NAV1: variants seen among roughly 807,000 people sequenced by gnomAD.
The protein encoded by NAV1 is neuron navigator 1.
A neutral mutation model predicts 175.2 loss-of-function variants in NAV1; 18 were observed. The ratio of observed to expected loss-of-function variants is 0.10; its 90% confidence interval spans 0.07 to 0.15. The LOEUF (loss-of-function observed/expected upper bound fraction) is 0.15. Ranked by LOEUF, NAV1 falls within the 10% of genes least tolerant of loss-of-function variation. The pLI is 1.00. For synonymous variants in NAV1, 897 were observed against 978.7 expected, an observed-to-expected ratio of 0.92 and a Z score of 1.56; for missense variants, 1,731 against 2,436.6, an observed-to-expected ratio of 0.71 and a Z score of 6.10.
Position 201,682,827 on chromosome 1 carries a change from T to C in NAV1, c.758-29990T>C, listed in dbSNP as rs957206854. ...GCCTCAGAACCATCGATGTAATTTT[T>C]AATTTCTTACTAAACTTTTAATATT... On this transcript the variant is annotated intron_variant, in intron 1 of 29. Coordinates refer to ENST00000367296, the Ensembl canonical transcript of NAV1. Among the ~76,000 whole-genome samples, 4 of 152,254 alleles carry C rather than the reference T, an allele frequency of 2.6e-5. No homozygotes were observed. The East Asian group carries it at 7.7e-4, about 29-fold the overall frequency.
intron 11 of NAV1, among the ~76,000 whole-genome samples, chr1:201,790,207 G>A (rs751052575): frequency 1.3e-5 from 2 of 152,190 alleles, no homozygotes; most frequent in African/African-American, 2.4e-5. Flanking sequence ...TTGGCTATTA[G>A]GCATTTCTTG....
At chr1:201,664,083 C>G (rs1571871062) in intron 1 of NAV1, among the ~76,000 whole-genome samples, 1 of 152,106 alleles carries the variant, frequency 6.6e-6, no homozygotes, top group East Asian at 1.9e-4. Context: ...AGTATAGTGG[C>G]CAAATGCACA....
intron 3 of NAV1, among the ~76,000 whole-genome samples, chr1:201,768,741 G>A (rs1675374623): frequency 6.6e-6 from 1 of 151,530 alleles, no homozygotes; most frequent in Non-Finnish European, 1.5e-5. Context: ...TATATTTGAT[G>A]TTGAATCATA....
chr1:201,803,472 A>G, intron 15 of NAV1, 121 bp from the exon 20 acceptor site: 1 of 989,624 alleles, frequency 1.0e-6, no homozygotes, highest in Non-Finnish European at 1.5e-6. Flanking sequence ...AAAAAAATGA[A>G]TAATGTGATT....
chr1:201,807,976 G>T lies in NAV1; in HGVS notation c.3672G>T (p.Ala1224=), dbSNP rs771921539. 2 of 1,613,826 alleles carry T rather than the reference G, an allele frequency of 1.2e-6. No homozygotes were observed. Among genetic ancestry groups the T allele is most frequent in the Admixed American group, 3.3e-5 (2 of 60,010 alleles). The stretch of plus-strand genomic sequence containing the variant: ...AGCTTCGAAGTTCCTTCAACAAAGC[G>T]TTCAGTATAAAAAAGGGGCCCAAGT... The change falls in exon 18 of 30, where the codon GCG becomes GCT. Residue 1224 remains alanine, a synonymous_variant. Coordinates refer to ENST00000367296, the Ensembl canonical transcript of NAV1. The surrounding 1 kb of genome is among the most constrained non-coding windows in gnomAD (Gnocchi z 5.4).
intron 6 of NAV1, among the ~76,000 whole-genome samples, chr1:201,783,189 A>G (rs1267058039): frequency 1.3e-5 from 2 of 152,156 alleles, no homozygotes; most frequent in African/African-American, 4.8e-5. Flanking sequence ...ATTCACTTGT[A>G]TCTCCCATGT....
chr1:201,754,771 T>C (rs1434226818), intron 3 of NAV1, among the ~76,000 whole-genome samples: 1 of 152,254 alleles, frequency 6.6e-6, no homozygotes, highest in African/African-American at 2.4e-5. Context: ...TTTATGTTAT[T>C]TGTACCACAG....
In NAV1 at chr1:201,661,191, C is replaced by T. The variant is rs1471658553; in HGVS notation, c.757+11766C>T. 7.2e-5 allele frequency among the ~76,000 whole-genome samples: 11 copies of T among 152,186 alleles called. 1 individual carries two copies. The highest frequency in any genetic ancestry group is 1.5e-4 in the Non-Finnish European group (10 of 68,024). On this transcript the variant is annotated intron_variant, in intron 1 of 29. Transcript: ENST00000367296. The stretch of plus-strand genomic sequence containing the variant: ...AAGTAGCAACTCACTGCTCTCCCTG[C>T]CCTCTTGATGTTCTAGAACCCTTGC...
intron 1 of NAV1, among the ~76,000 whole-genome samples, chr1:201,678,892 G>T (rs563760461): frequency 6.6e-6 from 1 of 152,166 alleles, no homozygotes; most frequent in Non-Finnish European, 1.5e-5. Flanking sequence ...GGCATCCAGT[G>T]GGGTGGAGAG....
At chr1:201,756,818 T>G (rs1399639784) in intron 3 of NAV1, among the ~76,000 whole-genome samples, 1 of 9,878 alleles carries the variant, frequency 1.0e-4, no homozygotes, top group African/African-American at 2.9e-4. Context: ...CCTTCTTTCT[T>G]TCTTTCTTTC....
At chr1:201,625,098 C>G (rs1390537747) in intron 1 of NAV1, among the ~76,000 whole-genome samples, 1 of 152,180 alleles carries the variant, frequency 6.6e-6, no homozygotes, top group East Asian at 1.9e-4. Flanking sequence ...GTTGTGAACA[C>G]CACGTTTTAA....
rs145643487 is a variant in NAV1, at chr1:201,810,062, T to G, written c.4518T>G (p.Pro1506=). 3,415 of 1,613,966 alleles carry G rather than the reference T, an allele frequency of 2.1e-3. 4 individuals carry two copies. The highest frequency in any genetic ancestry group is 3.0e-3 in the Admixed American group (179 of 59,998). ...TGGATGCAGAGCCCCCCGAGATGCC[T>G]CCTTGCCGTCGAGGTGTCAATAACA... Residue 1506 remains proline, a synonymous_variant, in exon 23 of 30, where the codon CCT becomes CCG. Transcript: ENST00000367296. This position sits in a 1 kb window ranked among gnomAD's most constrained non-coding sequence, Gnocchi z 6.0.
At chr1:201,622,808 G>A (rs2102279320), upstream of NAV1, 1 of 984,830 alleles carries the variant, frequency 1.0e-6, no homozygotes, top group Non-Finnish European at 1.2e-6. Flanking sequence ...ATGGAAGCTT[G>A]TGGGGATGTG....
chr1:201,739,067 A>C (rs1354279704), intron 3 of NAV1, among the ~76,000 whole-genome samples: 1 of 152,044 alleles, frequency 6.6e-6, no homozygotes, highest in Non-Finnish European at 1.5e-5. Flanking sequence ...CTCAGGGGGG[A>C]GGAACCCAAT....
intron 2 of NAV1, among the ~76,000 whole-genome samples, chr1:201,617,262 CAT>C (rs1177658398): frequency 6.6e-6 from 1 of 151,870 alleles, no homozygotes; most frequent in Non-Finnish European, 1.5e-5. Flanking sequence ...CACACACACA[CAT>C]AAACACACAC....
chr1:201,769,898 T>C (rs1675460453), intron 3 of NAV1, among the ~76,000 whole-genome samples: 1 of 152,240 alleles, frequency 6.6e-6, no homozygotes, highest in African/African-American at 2.4e-5. Context: ...TAGTTACTGA[T>C]TCGCAAGGCA....
At chr1:201,818,548 A>G (rs1679204872) in intron 29 of NAV1, among the ~76,000 whole-genome samples, 1 of 151,296 alleles carries the variant, frequency 6.6e-6, no homozygotes, top group South Asian at 2.1e-4. Flanking sequence ...AAAAAAAGAT[A>G]TGAGTAGACA....
intron 2 of NAV1, among the ~76,000 whole-genome samples, chr1:201,605,985 G>A (rs1471429945): frequency 4.6e-5 from 7 of 152,274 alleles, no homozygotes; most frequent in Non-Finnish European, 1.0e-4. Context: ...AGAGGAAGTG[G>A]GAAAGAAGTC....
exon 7 of NAV1, chr1:201,783,496 T>C: frequency 6.2e-7 from 1 of 1,614,204 alleles, no homozygotes; most frequent in Non-Finnish European, 8.5e-7. Context: ...CATCCAGTGA[T>C]ACCACCCATG....
Sources: allele counts gnomAD v4.1 joint callset (sites outside exome capture counted in the v4.1 genomes callset), GRCh38; gene constraint gnomAD v4.1.1; non-coding constraint Gnocchi (gnomAD v3.1); transcripts MANE v1.5; gene names NCBI Gene and HGNC (gene_info 2026-07-23, HGNC 2026-07-21).